Variants in KEAP1 observed in about 807,000 individuals in gnomAD.
KEAP1 encodes kelch-like ECH-associated protein 1.
A neutral mutation model predicts 59.7 loss-of-function variants in KEAP1; 26 were observed. The observed-to-expected ratio is 0.44, with a 90% CI of 0.32 to 0.60. KEAP1 has a LOEUF of 0.60. Ranked by LOEUF, KEAP1 falls within the 20% of genes least tolerant of loss-of-function variation. The pLI is 0.06. For synonymous variants in KEAP1, 350 were observed against 358.3 expected (o/e 0.98, Z 0.26); for missense variants, 539 against 871.4 (o/e 0.62, Z 4.80).
chr19:10,493,557 CTTTT>C (rs756608531), intron 2 of KEAP1, among the ~76,000 whole-genome samples: 1 of 96,302 alleles, frequency 1.0e-5, no homozygotes, highest in African/African-American at 4.2e-5. Flanking sequence ...GTCTCAAACT[CTTTT>C]TTTTTTTTTT....
chr19:10,488,552 C>T (rs1914549192), intron 5 of KEAP1, among the ~76,000 whole-genome samples: 1 of 151,932 alleles, frequency 6.6e-6, no homozygotes, highest in South Asian at 2.1e-4. Flanking sequence ...GCGGAGGTTG[C>T]AGTGAGCTGA....
intron 5 of KEAP1, among the ~76,000 whole-genome samples, chr19:10,487,590 A>G (rs1428907208): frequency 6.6e-6 from 1 of 152,132 alleles, no homozygotes; most frequent in Admixed American, 6.6e-5. Flanking sequence ...CGGGAGGCGG[A>G]GGTTGCAGTG....
chr19:10,496,500 C>CG (rs1432331439), intron 2 of KEAP1, among the ~76,000 whole-genome samples: 2 of 142,828 alleles, frequency 1.4e-5, no homozygotes, highest in Non-Finnish European at 3.0e-5. Flanking sequence ...GTCCCCCACC[C>CG]CCAAAAAAAA....
rs535659039 is a variant in KEAP1 at position 10,492,183 on chromosome 19, C to T, written c.719G>A (p.Arg240His). Residue 240 changes from arginine (R) to histidine (H), a missense_variant, in exon 3 of 6, where the codon CGC becomes CAC. By Grantham distance (29) the Arg-to-His change is conservative. Transcript: ENST00000171111. ...GGCGTGGAAGACCTCGGACTCGCAG[C>T]GCACGTTCAGGTCGTCCCGGCTGAT... ...TLISRDDLNVRCESEVFHACI... is the reference protein window; with the variant it reads ...TLISRDDLNVHCESEVFHACI... 7 of 1,614,070 alleles carry T rather than the reference C, an allele frequency of 4.3e-6. No individual in the cohort carries two copies. Among genetic ancestry groups the T allele is most frequent in the South Asian group, 2.2e-5 (2 of 91,086 alleles).
intron 2 of KEAP1, among the ~76,000 whole-genome samples, chr19:10,493,336 A>AT (rs1042691885): frequency 2.0e-5 from 3 of 150,368 alleles, no homozygotes; most frequent in African/African-American, 4.9e-5. Flanking sequence ...GTTTTTTTGT[A>AT]TTTTTTTAGT....
intron 2 of KEAP1, among the ~76,000 whole-genome samples, chr19:10,494,369 C>A (rs1181939852): frequency 7.7e-6 from 1 of 130,700 alleles, no homozygotes. Context: ...CTCGCTCTGT[C>A]GCCCAGGCTG....
In KEAP1 at chr19:10,491,622, G is replaced by A; in HGVS notation, c.1280C>T (p.Ala427Val). 1 of 1,591,216 alleles carries A rather than the reference G, an allele frequency of 6.3e-7. No individual in the cohort carries two copies. The highest frequency in any genetic ancestry group is 8.6e-7 in the Non-Finnish European group (1 of 1,169,540). The change falls in exon 3 of 6, where the codon GCC becomes GTC. Residue 427 changes from alanine to valine, a missense_variant. Physicochemically the swap from Ala to Val is moderately conservative, Grantham distance 64 (BLOSUM62 0). This residue lies in a region of KEAP1 where 311 missense variants were observed against 425.2 expected (regional missense o/e 0.73). Coordinates refer to ENST00000171111, the MANE Select transcript of KEAP1 (RefSeq NM_203500.2). The surrounding 1 kb of genome is among the most constrained non-coding windows in gnomAD (Gnocchi z 5.2). ...GVGVIDGHIY[A>V]VGGSHGCIHH... The stretch of plus-strand genomic sequence containing the variant: ...GATGCAGCCGTGGGAGCCGCCGACG[G>A]CATAGATGTGGCCATCGATGACCCC...
In KEAP1 at chr19:10,499,608, C is replaced by T. The variant is rs140705733; in HGVS notation, c.426G>A (p.Thr142=). 6.8e-6 allele frequency: 11 copies of T among 1,613,934 alleles called. No individual in the cohort carries two copies. The highest frequency in any genetic ancestry group is 4.0e-5 in the African/African-American group (3 of 74,928). ...VMERLIEFAY[T]ASISMGEKCV... ...ACTTCTCGCCCATGGAGATGGAGGC[C>T]GTGTAGGCGAATTCAATGAGGCGCT... The change falls in exon 2 of 6, where the codon ACG becomes ACA. Residue 142 remains threonine (T), a synonymous_variant. Transcript: ENST00000171111. The surrounding 1 kb of genome is among the most constrained non-coding windows in gnomAD (Gnocchi z 6.7).
intron 5 of KEAP1, among the ~76,000 whole-genome samples, chr19:10,488,756 C>A (rs1914560976): frequency 6.6e-6 from 1 of 152,030 alleles, no homozygotes; most frequent in Non-Finnish European, 1.5e-5. Context: ...CATGGTGAAA[C>A]CCTGTCTCTA....
At chr19:10,501,220 C>T (rs993697444) in intron 1 of KEAP1, among the ~76,000 whole-genome samples, 15 of 152,008 alleles carry the variant, frequency 9.9e-5, no homozygotes, top group Admixed American at 9.8e-4. Context: ...CCTGGAGGGC[C>T]AGGAGATGAG....
Position 10,489,225 on chromosome 19 carries a change from T to C in KEAP1, c.1675A>G (p.Ile559Val). ...TAGATTCTCCCCTGGTGGACAGTGA[T>C]CCCCAGGGCACTTCGCCGGTGCTTC... is the stretch of plus-strand genomic sequence containing the variant. ...PMKHRRSALGITVHQGRIYVL... is the reference protein window; with the variant it reads ...PMKHRRSALGVTVHQGRIYVL... Residue 559 changes from isoleucine to valine, a missense_variant, in exon 5 of 6, where the codon ATC becomes GTC. Coordinates refer to ENST00000171111, the MANE Select transcript of KEAP1 (RefSeq NM_203500.2). 6.2e-7 allele frequency: 1 copy of C among 1,610,496 alleles called. No individual in the cohort carries two copies. The highest frequency in any genetic ancestry group is 8.5e-7 in the Non-Finnish European group (1 of 1,179,144).
chr19:10,498,199 C>CTTTTTTTT (rs35066564), intron 2 of KEAP1, among the ~76,000 whole-genome samples: 1 of 106,154 alleles, frequency 9.4e-6, no homozygotes, highest in Non-Finnish European at 1.9e-5. Flanking sequence ...CGCGCCCAGG[C>CTTTTTTTT]TTTTTTTTTT....
rs372684387 is a variant in KEAP1 at position 10,499,977 on chromosome 19, C to T, written c.57G>A (p.Leu19=). 4.6e-5 allele frequency: 73 copies of T among 1,589,364 alleles called. No individual in the cohort carries two copies. Among genetic ancestry groups the T allele is most frequent in the Non-Finnish European group, 6.0e-5 (70 of 1,163,098 alleles). ...CTGCCCCCTCAGGGCACTGTGACTG[C>T]AGGGGCAGGAATCGGCAGCAGGCCC... ...GAGACCRFLP[L]QSQCPEGAGD... The change falls in exon 2 of 6, where the codon CTG becomes CTA. Residue 19 remains leucine, a synonymous_variant. Transcript: ENST00000171111. The surrounding 1 kb of genome is among the most constrained non-coding windows in gnomAD (Gnocchi z 6.7).
At chr19:10,487,136 G>C (rs2144580304) in intron 5 of KEAP1, among the ~76,000 whole-genome samples, 1 of 151,850 alleles carries the variant, frequency 6.6e-6, no homozygotes, top group African/African-American at 2.4e-5. Flanking sequence ...TTGAGTCCAG[G>C]AGTTTGAGAC....
In KEAP1 at chr19:10,499,327, A is replaced by T. The variant is rs2144623361; in HGVS notation, c.639+68T>A. ...CTGCCTTGACATCTCAAGGGGAGAC[A>T]GTGATGAGCACTCGTCCATCCCTGG... is the stretch of plus-strand genomic sequence containing the variant. On this transcript the variant is annotated intron_variant, in intron 2 of 5. Coordinates refer to ENST00000171111, the MANE Select transcript of KEAP1 (RefSeq NM_203500.2). This position sits in a 1 kb window ranked among gnomAD's most constrained non-coding sequence, Gnocchi z 6.7. 2 of 1,348,290 alleles carry T rather than the reference A, an allele frequency of 1.5e-6. No homozygotes were observed. Among genetic ancestry groups the T allele is most frequent in the Non-Finnish European group, 2.0e-6 (2 of 990,470 alleles). 83.5% of individuals were successfully genotyped at this position (1,348,290 alleles called of 1,614,324 possible).
At position 10,498,131 on chromosome 19, in the gene KEAP1, C is replaced by T. The variant is rs559362556; in HGVS notation, c.639+1264G>A. On this transcript the variant is annotated intron_variant, in intron 2 of 5. Transcript: ENST00000171111. ...GTCAGGCTGGTCTTGAACTCCCGAC[C>T]GCAGGTGATCTGCCCACCTTGGCCT... 7.9e-5 allele frequency among the ~76,000 whole-genome samples: 12 copies of T among 151,488 alleles called. No homozygotes were observed. In the South Asian group the frequency reaches 1.9e-3, roughly 24 times the overall value.
chr19:10,499,326 C>T lies in KEAP1; in HGVS notation c.639+69G>A, dbSNP rs2144623350. The T allele has an allele frequency of 2.2e-6, 3 of 1,344,288 alleles. No individual in the cohort carries two copies. The highest frequency in any genetic ancestry group is 3.0e-6 in the Non-Finnish European group (3 of 987,208). The allele number at this position is 1,344,288 out of a possible 1,614,324, so 83.3% of individuals were successfully genotyped here. A position where few individuals can be genotyped will look rare whatever the true frequency, so the allele number is the denominator to read the frequency against. On this transcript the variant is annotated intron_variant, in intron 2 of 5. Transcript: ENST00000171111. The surrounding 1 kb of genome is among the most constrained non-coding windows in gnomAD (Gnocchi z 6.7). ...CCTGCCTTGACATCTCAAGGGGAGA[C>T]AGTGATGAGCACTCGTCCATCCCTG...
At position 10,491,633 on chromosome 19, in the gene KEAP1, G is replaced by C; in HGVS notation, c.1269C>G (p.Gly423=). ...RNRIGVGVID[G]HIYAVGGSHG... is the part of the protein sequence containing the mutation. ...GGGAGCCGCCGACGGCATAGATGTG[G>C]CCATCGATGACCCCCACCCCGATGC... The change falls in exon 3 of 6, where the codon GGC becomes GGG. Residue 423 remains glycine, a synonymous_variant. Coordinates refer to ENST00000171111, the MANE Select transcript of KEAP1 (RefSeq NM_203500.2). The surrounding 1 kb of genome is among the most constrained non-coding windows in gnomAD (Gnocchi z 5.2). The C allele has an allele frequency of 6.3e-7, 1 of 1,594,086 alleles. No homozygotes were observed.
At chr19:10,500,140 GGCCTC>G in intron 1 of KEAP1, 60 bp from the exon 2 acceptor site, 1 of 1,253,236 alleles carries the variant, frequency 8.0e-7, no homozygotes. Context: ...GCACCTGCCG[GGCCTC>G]GTTTTGCAAG....
Sources: allele counts gnomAD v4.1 joint callset (sites outside exome capture counted in the v4.1 genomes callset), GRCh38; gene constraint gnomAD v4.1.1; regional missense constraint gnomAD v4.1.1; non-coding constraint Gnocchi (gnomAD v3.1); transcripts MANE v1.5; gene names NCBI Gene and HGNC (gene_info 2026-07-23, HGNC 2026-07-21).